FAM168B: variants seen among roughly 807,000 people sequenced by gnomAD.
FAM168B encodes the protein family with sequence similarity 168 member B, also known as myelin-associated neurite-outgrowth inhibitor.
Under a neutral mutation model 21.8 loss-of-function variants are expected in FAM168B, and 19 were observed. That is an observed-to-expected ratio of 0.87 (90% CI 0.61 to 1.28). FAM168B has a LOEUF of 1.28. Ranked by LOEUF, FAM168B falls within the 50% of genes most tolerant of loss-of-function variation. The pLI is 0.00. For synonymous variants in FAM168B, 126 were observed against 104.8 expected (o/e 1.20, Z -1.24); for missense variants, 233 against 263.1 (o/e 0.89, Z 0.79).
At position 131,051,150 on chromosome 2, in the gene FAM168B, A is replaced by G. The variant is rs1355032831; in HGVS notation, c.*1315T>C. ...TTTGTGCCAAGTGCCCTCAGCTGCA[A>G]AAGAGATGGCAGGAGAGGCTCGCAG... On this transcript the variant is annotated 3_prime_UTR_variant, in exon 7 of 7. Coordinates refer to ENST00000389915, the MANE Select transcript of FAM168B (RefSeq NM_001009993.4). 7.1e-6 allele frequency: 7 copies of G among 985,244 alleles called. No individual in the cohort carries two copies. The highest frequency in any genetic ancestry group is 8.4e-6 in the Non-Finnish European group (7 of 829,962). The allele number at this position is 985,244 out of a possible 1,614,324, so 61.0% of individuals were successfully genotyped here.
chr2:131,080,677 A>AT (rs1290047252), intron 2 of FAM168B, among the ~76,000 whole-genome samples: 7 of 139,570 alleles, frequency 5.0e-5, no homozygotes, highest in East Asian at 2.2e-4. Flanking sequence ...TAGTAAAAGA[A>AT]TTTTTTTTTT....
intron 3 of FAM168B, among the ~76,000 whole-genome samples, chr2:131,056,868 A>G (rs1207236628): frequency 6.6e-6 from 1 of 152,136 alleles, no homozygotes; most frequent in Non-Finnish European, 1.5e-5. Context: ...GGAAAGACCA[A>G]CCTAATCCAG....
chr2:131,072,022 C>G lies in FAM168B; in HGVS notation c.71-84G>C, dbSNP rs1482439374. ...GCTCCTGCAAAGCCATCGCTCTTAC[C>G]TTCTTCCCCAGAACTCCACAGACTT... On this transcript the variant is annotated intron_variant, in intron 2 of 6. Transcript: ENST00000389915. 4 of 1,238,632 alleles carry G rather than the reference C, an allele frequency of 3.2e-6. No homozygotes were observed. In the African/African-American group the frequency reaches 5.9e-5, roughly 18 times the overall value. 76.7% of individuals were successfully genotyped at this position (1,238,632 alleles called of 1,614,324 possible).
At chr2:131,091,885 T>C (rs1198039101) in intron 1 of FAM168B, among the ~76,000 whole-genome samples, 1 of 151,260 alleles carries the variant, frequency 6.6e-6, no homozygotes, top group Non-Finnish European at 1.5e-5. Context: ...ATCCCAGCAC[T>C]TTGGAAGGTC....
At chr2:131,086,641 G>C (rs1317103228) in intron 1 of FAM168B, among the ~76,000 whole-genome samples, 1 of 152,204 alleles carries the variant, frequency 6.6e-6, no homozygotes, top group Admixed American at 6.5e-5. Flanking sequence ...AATATGGTAA[G>C]TGAATTTTTA....
intron 2 of FAM168B, among the ~76,000 whole-genome samples, chr2:131,076,415 A>C (rs1359405290): frequency 6.6e-6 from 1 of 152,050 alleles, no homozygotes; most frequent in Admixed American, 6.6e-5. Flanking sequence ...TAATCCCAGC[A>C]CTTTGGGAGG....
chr2:131,086,011 T>C (rs932748580), intron 1 of FAM168B, among the ~76,000 whole-genome samples: 1 of 152,018 alleles, frequency 6.6e-6, no homozygotes, highest in Admixed American at 6.6e-5. Flanking sequence ...CAGTTCAGAG[T>C]AGGGAGGAAA....
intron 3 of FAM168B, among the ~76,000 whole-genome samples, chr2:131,061,294 T>G (rs1692283076): frequency 7.0e-6 from 1 of 143,342 alleles, no homozygotes; most frequent in Non-Finnish European, 1.5e-5. Flanking sequence ...CCTCCAAAAT[T>G]TAAAAAAAAA....
At chr2:131,078,329 A>G (rs1380128151) in intron 2 of FAM168B, among the ~76,000 whole-genome samples, 1 of 152,250 alleles carries the variant, frequency 6.6e-6, no homozygotes, top group Non-Finnish European at 1.5e-5. Context: ...ATAGCAAATT[A>G]GAGCAGAATT....
At chr2:131,063,318 A>T (rs1692397751) in intron 3 of FAM168B, among the ~76,000 whole-genome samples, 1 of 152,212 alleles carries the variant, frequency 6.6e-6, no homozygotes, top group Non-Finnish European at 1.5e-5. Flanking sequence ...AATGGTTTTT[A>T]ATATATATTA....
chr2:131,053,077 T>C (rs918147025), intron 5 of FAM168B, 62 bp from the exon 6 acceptor site: 1 of 1,486,942 alleles, frequency 6.7e-7, no homozygotes, highest in African/African-American at 1.4e-5. Context: ...CACTGCCTGA[T>C]ACGCACACAA....
chr2:131,064,264 C>G (rs993568033), intron 3 of FAM168B, among the ~76,000 whole-genome samples: 1 of 151,628 alleles, frequency 6.6e-6, no homozygotes, highest in Non-Finnish European at 1.5e-5. Flanking sequence ...CTGTGTACCA[C>G]GCGGATTTTT....
Position 131,055,662 on chromosome 2 carries a change from C to G in FAM168B, c.188G>C (p.Cys63Ser). The G allele has an allele frequency of 6.2e-7, 1 of 1,613,724 alleles. No individual in the cohort carries two copies. The highest frequency in any genetic ancestry group is 8.5e-7 in the Non-Finnish European group (1 of 1,179,836). The change falls in exon 4 of 7, where the codon TGT becomes TCT. Residue 63 changes from cysteine to serine, a missense_variant. Transcript: ENST00000389915. ...TGGCACAGCCCCGCTGGTGGGGGAA[C>G]AGGACACTTTGTAAGGTGTGCCAGG... ...YTPGTPYKVS[C>S]SPTSGAVPPY...
chr2:131,075,231 C>T (rs1250250637), intron 2 of FAM168B, among the ~76,000 whole-genome samples: 1 of 151,088 alleles, frequency 6.6e-6, no homozygotes, highest in Non-Finnish European at 1.5e-5. Flanking sequence ...CCCTCAGAGA[C>T]CAGGGAACCA....
chr2:131,080,771 G>A (rs1462992558), intron 2 of FAM168B, among the ~76,000 whole-genome samples: 1 of 151,530 alleles, frequency 6.6e-6, no homozygotes, highest in Non-Finnish European at 1.5e-5. Context: ...CCGGGTTCAC[G>A]CCATTCTCCT....
chr2:131,048,319 C>CTAA lies in FAM168B; in HGVS notation c.*4145_*4146insTTA. On this transcript the variant is annotated 3_prime_UTR_variant, in exon 7 of 7. Transcript: ENST00000389915. ...TGGCCCAGCTGCCTTGCCCACTGGTCTGCACAGGGACTCATGGGCACAGCC... is the reference window on the plus strand; with the variant it reads ...TGGCCCAGCTGCCTTGCCCACTGGTCTAATGCACAGGGACTCATGGGCACAGCC... The CTAA allele has an allele frequency of 7.7e-7, 1 of 1,304,178 alleles. No individual in the cohort carries two copies. The highest frequency in any genetic ancestry group is 1.0e-6 in the Non-Finnish European group (1 of 988,904). 80.8% of individuals were successfully genotyped at this position (1,304,178 alleles called of 1,614,324 possible).
At chr2:131,057,871 C>G (rs1355752184) in intron 3 of FAM168B, among the ~76,000 whole-genome samples, 1 of 151,698 alleles carries the variant, frequency 6.6e-6, no homozygotes, top group Non-Finnish European at 1.5e-5. Flanking sequence ...TGCTCTATTC[C>G]CTAGGCTGGA....
intron 3 of FAM168B, among the ~76,000 whole-genome samples, chr2:131,057,941 A>G (rs1455442705): frequency 6.6e-6 from 1 of 151,896 alleles, no homozygotes; most frequent in Non-Finnish European, 1.5e-5. Context: ...AGCAATTCTC[A>G]TGCCCCAGCC....
At chr2:131,073,385 G>T (rs538688830) in intron 2 of FAM168B, among the ~76,000 whole-genome samples, 4 of 152,102 alleles carry the variant, frequency 2.6e-5, no homozygotes, top group Non-Finnish European at 5.9e-5. Context: ...GAGTTACCAC[G>T]CCTTGCCATA....
Sources: allele counts gnomAD v4.1 joint callset (sites outside exome capture counted in the v4.1 genomes callset), GRCh38; gene constraint gnomAD v4.1.1; transcripts MANE v1.5; gene names NCBI Gene and HGNC (gene_info 2026-07-23, HGNC 2026-07-21).